The following BFAR variants were observed in gnomAD, a reference collection of about 807,000 sequenced individuals.
The protein encoded by BFAR is bifunctional apoptosis regulator.
BFAR carries 52 observed loss-of-function variants against 54.4 expected under a neutral mutation model. The ratio of observed to expected loss-of-function variants is 0.96; its 90% CI spans 0.77 to 1.21. The LOEUF (loss-of-function observed/expected upper bound fraction) is 1.21, where lower values mean the gene tolerates loss of function less well. BFAR is among the 50% of genes most tolerant of loss of function. The pLI is 0.00. For synonymous variants in BFAR, 215 were observed against 204.3 expected, an observed-to-expected ratio of 1.05 and a Z score of -0.45; for missense variants, 571 against 534.0, an observed-to-expected ratio of 1.07 and a Z score of -0.68.
chr16:14,638,217 TA>T (rs1959513704), intron 1 of BFAR, among the ~76,000 whole-genome samples: 1 of 152,246 alleles, frequency 6.6e-6, no homozygotes, highest in Middle Eastern at 3.4e-3. Context: ...ACCCTGTCTA[TA>T]CAAAAAAAAT....
intron 1 of BFAR, among the ~76,000 whole-genome samples, chr16:14,641,673 C>A (rs1959632358): frequency 6.6e-6 from 1 of 151,900 alleles, no homozygotes; most frequent in Non-Finnish European, 1.5e-5. Context: ...ACCAACCTGA[C>A]CAACATGGTG....
At chr16:14,635,138 C>A (rs1325578641) in intron 1 of BFAR, among the ~76,000 whole-genome samples, 1 of 152,180 alleles carries the variant, frequency 6.6e-6, no homozygotes, top group Admixed American at 6.5e-5. Context: ...TGTTCAAGAT[C>A]AGCTTGGGAT....
rs78552876 is a variant in BFAR at position 14,651,237 on chromosome 16, C to T, written c.638+1264C>T. Among the ~76,000 whole-genome samples, 397 of 152,256 alleles carry T rather than the reference C, an allele frequency of 2.6e-3. 13 individuals are homozygous for T. The East Asian group carries it at 0.061, about 23-fold the overall frequency. On this transcript the variant is annotated intron_variant, in intron 4 of 7. Transcript: ENST00000261658. The stretch of plus-strand genomic sequence containing the variant: ...GACCCACCAGCTTCAAGTTGGGGTT[C>T]CCATGATTCCCTCTTTGGGTTCAAT...
chr16:14,659,736 G>T (rs1024697101), intron 5 of BFAR, among the ~76,000 whole-genome samples: 1 of 151,218 alleles, frequency 6.6e-6, no homozygotes, highest in Non-Finnish European at 1.5e-5. Flanking sequence ...ATTTTTAGTA[G>T]AGACGGGATT....
intron 1 of BFAR, among the ~76,000 whole-genome samples, chr16:14,641,427 TTAA>T (rs1447957094): frequency 2.6e-5 from 4 of 152,036 alleles, no homozygotes; most frequent in East Asian, 3.9e-4. Flanking sequence ...TATTAATTAG[TTAA>T]TAATTAATAA....
intron 3 of BFAR, 143 bp from the exon 4 acceptor site, chr16:14,649,661 C>A: frequency 1.5e-6 from 1 of 679,186 alleles, no homozygotes; most frequent in Non-Finnish European, 2.3e-6. Context: ...CGTTGCCCTG[C>A]TTTTGTTGCC....
chr16:14,660,367 A>G (rs962329881), intron 5 of BFAR, among the ~76,000 whole-genome samples: 1 of 151,836 alleles, frequency 6.6e-6, no homozygotes, highest in East Asian at 2.0e-4. Flanking sequence ...GCTCACTGCA[A>G]CCTCTGCCTC....
intron 6 of BFAR, among the ~76,000 whole-genome samples, chr16:14,663,731 G>T (rs1179882739): frequency 6.6e-6 from 1 of 152,090 alleles, no homozygotes; most frequent in African/African-American, 2.4e-5. Flanking sequence ...AGGAGGGAGT[G>T]TTTGTAATTT....
chr16:14,659,512 G>C (rs576257243), intron 5 of BFAR, among the ~76,000 whole-genome samples: 12 of 151,978 alleles, frequency 7.9e-5, no homozygotes, highest in African/African-American at 2.9e-4. Context: ...CCAAAGTGCT[G>C]GGATTACAGG....
At chr16:14,635,603 TA>T (rs1959408811) in intron 1 of BFAR, among the ~76,000 whole-genome samples, 1 of 152,110 alleles carries the variant, frequency 6.6e-6, no homozygotes, top group Admixed American at 6.6e-5. Context: ...CCTAGGGCAA[TA>T]AATCACAGGG....
chr16:14,666,826 TC>T (rs1398208408), intron 7 of BFAR, among the ~76,000 whole-genome samples: 1 of 152,190 alleles, frequency 6.6e-6, no homozygotes, highest in Non-Finnish European at 1.5e-5. Flanking sequence ...CCTACTGTAC[TC>T]CTGGTTCTCT....
intron 4 of BFAR, among the ~76,000 whole-genome samples, chr16:14,651,241 T>C (rs944522673): frequency 3.3e-5 from 5 of 152,208 alleles, no homozygotes; most frequent in African/African-American, 9.6e-5. Flanking sequence ...GGGGTTCCCA[T>C]GATTCCCTCT....
rs754648272 is a variant in BFAR, at chr16:14,644,611, T to C, written c.263+2T>C. 6.2e-7 allele frequency: 1 copy of C among 1,611,712 alleles called. No homozygotes were observed. The highest frequency in any genetic ancestry group is 2.2e-5 in the East Asian group (1 of 44,872). On this transcript the variant is annotated splice_donor_variant, in intron 2 of 7. Coordinates refer to ENST00000261658, the MANE Select transcript of BFAR (RefSeq NM_016561.3). LOFTEE classifies it high-confidence loss of function. Reference sequence around the variant, plus strand: ...CCCCAAAGTCAGTATTCTCCTCAGGTAATGTTCAGCCTATATTGGTAGCAC... The same window carrying C: ...CCCCAAAGTCAGTATTCTCCTCAGGCAATGTTCAGCCTATATTGGTAGCAC...
At chr16:14,650,165 T>C in intron 4 of BFAR, 192 bp downstream of exon 4, 2 of 464,000 alleles carry the variant, frequency 4.3e-6, no homozygotes, top group Non-Finnish European at 3.5e-6. Context: ...CTACTAAAAA[T>C]ACAAAAAAAA....
Position 14,649,864 on chromosome 16 carries a change from A to G in BFAR, c.529A>G (p.Lys177Glu). Residue 177 changes from lysine (K) to glutamate (E), a missense_variant, in exon 4 of 8, where the codon AAG (lysine) becomes GAG (glutamate). Transcript: ENST00000261658. ...ATCTGAACACGACCTCCTGGTCCAC[A>G]AGGCTGTGGCCAAATGGACGGCGGA... ...RESEHDLLVH[K>E]AVAKWTAEEV... 6.2e-7 allele frequency: 1 copy of G among 1,613,268 alleles called. No homozygotes were observed. Among genetic ancestry groups the G allele is most frequent in the Non-Finnish European group, 8.5e-7 (1 of 1,179,582 alleles).
At position 14,665,057 on chromosome 16, in the gene BFAR, G is replaced by C; in HGVS notation, c.1146G>C (p.Ser382=). 6.2e-7 allele frequency: 1 copy of C among 1,612,622 alleles called. No individual in the cohort carries two copies. The highest frequency in any genetic ancestry group is 1.3e-5 in the African/African-American group (1 of 75,016). The change falls in exon 7 of 8, where the codon TCG becomes TCC. Residue 382 remains serine, a synonymous_variant. Coordinates refer to ENST00000261658, the MANE Select transcript of BFAR (RefSeq NM_016561.3). ...TATTCTCCTTTTGGAGAATCTGGTC[G>C]AGAAGTGAACTGAAGTAAGTATGTT... ...LELFSFWRIW[S]RSELKTVPQR...
Position 14,655,218 on chromosome 16 carries a change from CTT to C in BFAR, c.783+10_783+11del. The C allele has an allele frequency of 7.6e-7, 1 of 1,323,450 alleles. No individual in the cohort carries two copies. Among genetic ancestry groups the C allele is most frequent in the Non-Finnish European group, 9.9e-7 (1 of 1,010,300 alleles). 82.0% of individuals were successfully genotyped at this position (1,323,450 alleles called of 1,614,324 possible). A position where few individuals can be genotyped will look rare whatever the true frequency, so the allele number is the denominator to read the frequency against. ...AATCTCTGGGAATATAAGGTGAACA[CTT>C]TAATTTTTTTTTTTTTTTTTTACTT... On this transcript the variant is annotated intron_variant, in intron 5 of 7. Coordinates refer to ENST00000261658, the MANE Select transcript of BFAR (RefSeq NM_016561.3).
chr16:14,651,914 T>C (rs1421043339), intron 4 of BFAR, among the ~76,000 whole-genome samples: 5 of 137,892 alleles, frequency 3.6e-5, no homozygotes, highest in African/African-American at 1.4e-4. Context: ...TTAGATGGAG[T>C]CTCGCTCTGT....
intron 4 of BFAR, among the ~76,000 whole-genome samples, chr16:14,652,293 T>A (rs1274556585): frequency 1.3e-5 from 2 of 151,862 alleles, no homozygotes; most frequent in Non-Finnish European, 2.9e-5. Context: ...TTTATTTTTT[T>A]TTTTGAGATG....
Sources: allele counts gnomAD v4.1 joint callset (sites outside exome capture counted in the v4.1 genomes callset), GRCh38; gene constraint gnomAD v4.1.1; transcripts MANE v1.5; gene names NCBI Gene and HGNC (gene_info 2026-07-23, HGNC 2026-07-21).